The following FBXO3 variants were observed in gnomAD, a reference collection of about 807,000 sequenced individuals.
The protein encoded by FBXO3 is F-box only protein 3.
FBXO3 carries 17 observed loss-of-function variants against 64.8 expected under a neutral mutation model. That is an observed-to-expected ratio of 0.26 (90% CI 0.18 to 0.39). The LOEUF is 0.39. FBXO3 is among the 10% of genes least tolerant of loss of function. The pLI is 1.00. For synonymous variants in FBXO3, 182 were observed against 201.6 expected (o/e 0.90, Z 0.82); for missense variants, 420 against 589.9 (o/e 0.71, Z 2.98).
rs1467894404 is a variant in FBXO3 at position 33,740,997 on chromosome 11, ATTC to A, written c.*908_*910del. 2 of 152,686 alleles carry A rather than the reference ATTC, an allele frequency of 1.3e-5. No homozygotes were observed. The highest frequency in any genetic ancestry group is 4.8e-5 in the African/African-American group (2 of 41,472). 9.5% of individuals were successfully genotyped at this position (152,686 alleles called of 1,614,324 possible). A position where few individuals can be genotyped will look rare whatever the true frequency, so the allele number is the denominator to read the frequency against. ...GAGTTTTTAACACTTGAAGGATTTC[ATTC>A]TTAACTCTCAATTATATAATTACAA... On this transcript the variant is annotated 3_prime_UTR_variant, in exon 11 of 11. Transcript: ENST00000265651.
intron 4 of FBXO3, 102 bp downstream of exon 4, chr11:33,758,385 C>A: frequency 1.4e-6 from 1 of 703,534 alleles, no homozygotes; most frequent in Non-Finnish European, 2.2e-6. Context: ...AATTCCCATG[C>A]TTCTTTAATT....
chr11:33,747,024 A>G, intron 10 of FBXO3, 106 bp downstream of exon 10: 1 of 1,524,374 alleles, frequency 6.6e-7, no homozygotes, highest in East Asian at 2.4e-5. Context: ...CAAAATCTCT[A>G]GGGTTCTCTG....
At chr11:33,757,931 T>G (rs1004939020) in intron 4 of FBXO3, among the ~76,000 whole-genome samples, 23 of 149,294 alleles carry the variant, frequency 1.5e-4, no homozygotes, top group East Asian at 5.9e-4. Context: ...ACTCCAGGCT[T>G]GGGGACCGAG....
chr11:33,751,577 T>A lies in FBXO3; in HGVS notation c.755A>T (p.Tyr252Phe). Residue 252 changes from tyrosine (Y) to phenylalanine (F), a missense_variant, in exon 7 of 11, where the codon TAT becomes TTT. Physicochemically the swap from Tyr to Phe is conservative, Grantham distance 22. Transcript: ENST00000265651. ...GATFTDWFTS[Y>F]VKNVVSGGFP... ...GCCACCTGATACAACATTTTTGACA[T>A]AAGAGGTAAACCAGTCAGTAAAAGT... is the stretch of plus-strand genomic sequence containing the variant. 6.2e-7 allele frequency: 1 copy of A among 1,607,774 alleles called. No homozygotes were observed. Among genetic ancestry groups the A allele is most frequent in the Non-Finnish European group, 8.5e-7 (1 of 1,177,556 alleles).
At chr11:33,746,786 T>C in intron 10 of FBXO3, 1 of 1,406,712 alleles carries the variant, frequency 7.1e-7, no homozygotes, top group Non-Finnish European at 9.2e-7. Context: ...TTATTTGACA[T>C]TAAATTGGAA....
intron 10 of FBXO3, chr11:33,745,397 T>C (rs1305544542): frequency 6.6e-6 from 1 of 151,496 alleles, no homozygotes; most frequent in African/African-American, 2.4e-5. Context: ...AATAGCAGAA[T>C]GTACATTATT....
chr11:33,770,903 T>A, intron 1 of FBXO3, 73 bp from the exon 2 acceptor site: 1 of 1,232,152 alleles, frequency 8.1e-7, no homozygotes, highest in African/African-American at 1.5e-5. Flanking sequence ...ATTAAAATAT[T>A]CATTGTTTTG....
chr11:33,745,127 A>G (rs940019491), intron 10 of FBXO3: 4 of 152,234 alleles, frequency 2.6e-5, no homozygotes, highest in African/African-American at 9.6e-5. Flanking sequence ...CATAATGATG[A>G]AAGAATTATG....
chr11:33,771,386 A>G (rs1239015231), intron 1 of FBXO3: 2 of 152,240 alleles, frequency 1.3e-5, no homozygotes, highest in Non-Finnish European at 2.9e-5. Flanking sequence ...TTCTGACTCA[A>G]TAGTCATGGC....
chr11:33,765,583 G>A (rs1399071026), intron 3 of FBXO3, among the ~76,000 whole-genome samples: 1 of 152,298 alleles, frequency 6.6e-6, no homozygotes, highest in Non-Finnish European at 1.5e-5. Flanking sequence ...AAAGACTAGA[G>A]TTAATCTTTG....
At chr11:33,765,199 CCA>C (rs1293799099) in intron 3 of FBXO3, among the ~76,000 whole-genome samples, 3 of 151,920 alleles carry the variant, frequency 2.0e-5, no homozygotes, top group Non-Finnish European at 4.4e-5. Flanking sequence ...CATAAATGTC[CCA>C]CAGTGGGATA....
intron 3 of FBXO3, among the ~76,000 whole-genome samples, chr11:33,766,010 G>A (rs1223190196): frequency 6.6e-6 from 1 of 152,086 alleles, no homozygotes; most frequent in Non-Finnish European, 1.5e-5. Context: ...ATGCAAGAAT[G>A]GACTGATACA....
intron 3 of FBXO3, among the ~76,000 whole-genome samples, chr11:33,764,680 A>G (rs1033651298): frequency 2.0e-5 from 3 of 152,168 alleles, no homozygotes; most frequent in African/African-American, 7.2e-5. Flanking sequence ...TACTCTCTCA[A>G]AACTGTCAAG....
At position 33,755,951 on chromosome 11, in the gene FBXO3, A is replaced by C; in HGVS notation, c.498T>G (p.Ser166=). ...VPGLLGSMAL[S]NHYRSEDLLD... Reference sequence around the variant, plus strand: ...ACAAATCTTCAGAACGATAGTGATTAGACAGTGCCATGCTTCCCAATAACC... The same window carrying C: ...ACAAATCTTCAGAACGATAGTGATTCGACAGTGCCATGCTTCCCAATAACC... Residue 166 remains serine (S), a synonymous_variant, in exon 5 of 11, where the codon TCT becomes TCG. Coordinates refer to ENST00000265651, the MANE Select transcript of FBXO3 (RefSeq NM_012175.4). 1.2e-6 allele frequency: 2 copies of C among 1,614,112 alleles called. No homozygotes were observed. The highest frequency in any genetic ancestry group is 8.5e-7 in the Non-Finnish European group (1 of 1,180,010).
intron 1 of FBXO3, 169 bp downstream of exon 1, chr11:33,774,225 C>A (rs1590593765): frequency 3.3e-6 from 2 of 600,144 alleles, no homozygotes; most frequent in East Asian, 3.3e-5. Flanking sequence ...CCTTTCCGCC[C>A]CCGTCTCGCC....
In FBXO3 at chr11:33,774,228, G is replaced by A. The variant is rs969142329; in HGVS notation, c.104+166C>T. 10 of 599,202 alleles carry A rather than the reference G, an allele frequency of 1.7e-5. No homozygotes were observed. In the Admixed American group the frequency reaches 2.6e-4, roughly 15 times the overall value. 37.1% of individuals were successfully genotyped at this position (599,202 alleles called of 1,614,324 possible). ...TCAGGGCGAGGCCCTTTCCGCCCCC[G>A]TCTCGCCCCGGTCCCCGGTGGCTCC... On this transcript the variant is annotated intron_variant, in intron 1 of 10. Coordinates refer to ENST00000265651, the MANE Select transcript of FBXO3 (RefSeq NM_012175.4).
chr11:33,748,699 A>G (rs952167022), intron 9 of FBXO3, 78 bp downstream of exon 9: 8 of 843,730 alleles, frequency 9.5e-6, no homozygotes, highest in Admixed American at 2.2e-5. Flanking sequence ...TTATACATTT[A>G]TATGTTATAT....
intron 2 of FBXO3, 150 bp from the exon 3 acceptor site, chr11:33,769,164 T>C (rs1393219721): frequency 4.8e-6 from 3 of 623,860 alleles, no homozygotes; most frequent in South Asian, 4.0e-5. Flanking sequence ...AAAAGTGATA[T>C]ATACATAAAA....
intron 3 of FBXO3, among the ~76,000 whole-genome samples, chr11:33,761,002 A>G (rs1023088503): frequency 1.3e-5 from 2 of 152,224 alleles, no homozygotes; most frequent in Admixed American, 6.5e-5. Flanking sequence ...CAAAAACAAT[A>G]AATCAAAAGG....
Sources: allele counts gnomAD v4.1 joint callset (sites outside exome capture counted in the v4.1 genomes callset), GRCh38; gene constraint gnomAD v4.1.1; transcripts MANE v1.5; gene names NCBI Gene and HGNC (gene_info 2026-07-23, HGNC 2026-07-21).